Variants in DDX1 observed in about 807,000 individuals in gnomAD.
DDX1 encodes DEAD-box helicase 1.
DDX1 carries 28 observed loss-of-function variants against 108.7 expected under a neutral mutation model. That is an observed-to-expected ratio of 0.26 (90% CI 0.19 to 0.35). The LOEUF (loss-of-function observed/expected upper bound fraction) is 0.35, where lower values mean the gene tolerates loss of function less well. DDX1 is among the 10% of genes least tolerant of loss of function. The pLI, the probability that DDX1 is intolerant of heterozygous loss-of-function variation, is 1.00. For synonymous variants in DDX1, 295 were observed against 288.9 expected, an observed-to-expected ratio of 1.02 and a Z score of -0.21; for missense variants, 710 against 884.5, an observed-to-expected ratio of 0.80 and a Z score of 2.50.
intron 1 of DDX1, among the ~76,000 whole-genome samples, chr2:15,592,692 G>A (rs1665434981): frequency 6.6e-6 from 1 of 152,030 alleles, no homozygotes; most frequent in Non-Finnish European, 1.5e-5. Flanking sequence ...TCCAGTTTTA[G>A]GAAGCTGTAA....
chr2:15,622,959 G>A (rs987511042), intron 18 of DDX1, among the ~76,000 whole-genome samples: 3 of 152,174 alleles, frequency 2.0e-5, no homozygotes, highest in African/African-American at 7.2e-5. Flanking sequence ...GGTTTTTACT[G>A]CGTAGAGTGA....
At chr2:15,605,798 A>G (rs964344977) in intron 10 of DDX1, 152 bp from the exon 11 acceptor site, 4 of 517,242 alleles carry the variant, frequency 7.7e-6, no homozygotes, top group Non-Finnish European at 1.3e-5. Flanking sequence ...GAGTAAAGTA[A>G]AAAAATGAAG....
intron 1 of DDX1, among the ~76,000 whole-genome samples, chr2:15,594,290 TC>T (rs1467485358): frequency 1.3e-5 from 2 of 152,180 alleles, no homozygotes; most frequent in Non-Finnish European, 2.9e-5. Flanking sequence ...TGATTCTTGT[TC>T]TTTTTTTTAT....
In DDX1 at chr2:15,604,519, A is replaced by C; in HGVS notation, c.625+10A>C. On this transcript the variant is annotated intron_variant, in intron 10 of 25. Coordinates refer to ENST00000233084, the MANE Select transcript of DDX1 (RefSeq NM_004939.3). ...AAGTTCTCCAAAAATGGTAAGCTCTATATGGATCTTAGTAGTGAAAAGATA... is the reference window on the plus strand; with the variant it reads ...AAGTTCTCCAAAAATGGTAAGCTCTCTATGGATCTTAGTAGTGAAAAGATA... 6.5e-7 allele frequency: 1 copy of C among 1,540,790 alleles called. No homozygotes were observed. Among genetic ancestry groups the C allele is most frequent in the East Asian group, 2.2e-5 (1 of 44,490 alleles).
At position 15,591,909 on chromosome 2, in the gene DDX1, C is replaced by A. The variant is rs1233679705; in HGVS notation, c.-25C>A. ...AGTCGGGAGGGAGGGAGCGAGCAGG[C>A]GAAGCCGCGGAGGACGGGGTGAAGA... On this transcript the variant is annotated 5_prime_UTR_variant, in exon 1 of 26. Transcript: ENST00000233084. 2.7e-6 allele frequency: 4 copies of A among 1,462,940 alleles called. No homozygotes were observed. The Admixed American group carries it at 8.0e-5, about 29-fold the overall frequency. 90.6% of individuals were successfully genotyped at this position (1,462,940 alleles called of 1,614,324 possible). A position where few individuals can be genotyped will look rare whatever the true frequency, so the allele number is the denominator to read the frequency against.
rs1043024906 is a variant in DDX1 at position 15,619,007 on chromosome 2, C to G, written c.1206+737C>G. 2.0e-5 allele frequency among the ~76,000 whole-genome samples: 3 copies of G among 152,300 alleles called. No homozygotes were observed. In the South Asian group the frequency reaches 6.2e-4, roughly 32 times the overall value. ...CCGAACCTGTGGGGGCAAGGGAGGG[C>G]CTTTTAGGGCCCCCCGAGTGCAGAG... is the stretch of plus-strand genomic sequence containing the variant. On this transcript the variant is annotated intron_variant, in intron 16 of 25. Transcript: ENST00000233084.
At chr2:15,605,519 G>C (rs1365132577) in intron 10 of DDX1, among the ~76,000 whole-genome samples, 2 of 152,066 alleles carry the variant, frequency 1.3e-5, no homozygotes, top group Non-Finnish European at 2.9e-5. Flanking sequence ...TGGAGCAAAG[G>C]GGTGAGGGTG....
intron 23 of DDX1, 29 bp downstream of exon 23, chr2:15,628,868 A>T (rs777291718): frequency 2.5e-6 from 4 of 1,589,778 alleles, no homozygotes; most frequent in African/African-American, 2.7e-5. Flanking sequence ...TATTATATTC[A>T]TTGTGTGTGT....
At chr2:15,599,748 G>T in intron 6 of DDX1, 32 bp downstream of exon 6, 1 of 1,529,780 alleles carries the variant, frequency 6.5e-7, no homozygotes, top group Non-Finnish European at 8.9e-7. Flanking sequence ...CAGCTCATTT[G>T]TAATTCAGAA....
At chr2:15,611,813 C>A (rs571145715) in intron 13 of DDX1, among the ~76,000 whole-genome samples, 1 of 99,010 alleles carries the variant, frequency 1.0e-5, no homozygotes, top group African/African-American at 5.1e-5. Flanking sequence ...CCCTCCCGGA[C>A]GGGGCGGCTG....
At chr2:15,592,067 G>C in intron 1 of DDX1, 118 bp downstream of exon 1, 2 of 975,396 alleles carry the variant, frequency 2.1e-6, no homozygotes, top group Non-Finnish European at 1.4e-6. Flanking sequence ...ACAGAAGGGC[G>C]CTGTCCGCTG....
intron 19 of DDX1, 105 bp from the exon 20 acceptor site, chr2:15,626,949 T>A: frequency 1.6e-6 from 1 of 633,998 alleles, no homozygotes; most frequent in Non-Finnish European, 2.7e-6. Context: ...CATAGATTTT[T>A]ATGGAATTGT....
At chr2:15,597,180 C>T (rs114543516) in intron 4 of DDX1, among the ~76,000 whole-genome samples, 195 bp from the exon 5 acceptor site, 3,980 of 152,210 alleles carry the variant, frequency 0.026, 74 homozygotes, top group Non-Finnish European at 0.038. Context: ...ATGTTAGCTG[C>T]GTCCTATTTC....
chr2:15,611,321 TC>T (rs1265716322), intron 13 of DDX1, among the ~76,000 whole-genome samples: 1 of 139,796 alleles, frequency 7.2e-6, no homozygotes, highest in African/African-American at 3.0e-5. Context: ...GATTTCCCAC[TC>T]TTTTCCCCAC....
rs536470848 is a variant in DDX1, at chr2:15,630,431, C to T, written c.2092+321C>T. 8.0e-4 allele frequency among the ~76,000 whole-genome samples: 122 copies of T among 152,268 alleles called. 1 individual carries two copies. The highest frequency in any genetic ancestry group is 6.8e-3 in the Middle Eastern group (2 of 294). On this transcript the variant is annotated intron_variant, in intron 25 of 25. Coordinates refer to ENST00000233084, the MANE Select transcript of DDX1 (RefSeq NM_004939.3). ...TGATTTTGAACAAGGAATCAGAAGC[C>T]TTTGACTTAACTCAGGTGGTAATTC...
intron 1 of DDX1, among the ~76,000 whole-genome samples, chr2:15,592,650 C>G (rs1280585343): frequency 6.6e-6 from 1 of 152,072 alleles, no homozygotes; most frequent in Non-Finnish European, 1.5e-5. Flanking sequence ...TTGATATTTT[C>G]GCCTCTTGCT....
intron 6 of DDX1, among the ~76,000 whole-genome samples, chr2:15,600,740 CTTTTTTTT>C (rs1157559293): frequency 1.4e-4 from 10 of 73,546 alleles, no homozygotes; most frequent in African/African-American, 6.0e-4. Flanking sequence ...TTTGCATTTT[CTTTTTTTT>C]TTTTTTTTTT....
intron 19 of DDX1, among the ~76,000 whole-genome samples, chr2:15,624,258 C>G (rs1666061321): frequency 6.6e-6 from 1 of 152,084 alleles, no homozygotes; most frequent in South Asian, 2.1e-4. Flanking sequence ...TTGCAGTAGA[C>G]TTTAAGACAA....
intron 14 of DDX1, 45 bp downstream of exon 14, chr2:15,613,329 C>T (rs1234841713): frequency 3.0e-6 from 4 of 1,350,534 alleles, no homozygotes; most frequent in African/African-American, 1.5e-5. Context: ...CATGGGCTGT[C>T]GTTTTAGCAA....
Sources: allele counts gnomAD v4.1 joint callset (sites outside exome capture counted in the v4.1 genomes callset), GRCh38; gene constraint gnomAD v4.1.1; transcripts MANE v1.5; gene names NCBI Gene and HGNC (gene_info 2026-07-23, HGNC 2026-07-21).